Variants in ARHGAP18 observed in about 807,000 individuals in gnomAD.
The protein encoded by ARHGAP18 is rho GTPase-activating protein 18.
ARHGAP18 carries 67 observed loss-of-function variants against 86.2 expected under a neutral mutation model. That is an observed-to-expected ratio of 0.78 (90% CI 0.64 to 0.95). ARHGAP18 has a LOEUF of 0.95. Ranked by LOEUF, ARHGAP18 falls within the 40% of genes least tolerant of loss-of-function variation. The probability of loss-of-function intolerance (pLI) is 0.00; values close to 1 mark genes in which losing one functional copy is unlikely to be tolerated. For missense variants in ARHGAP18, 691 were observed against 780.4 expected (o/e 0.89, Z 1.37); for synonymous variants, 283 against 280.4 (o/e 1.01, Z -0.09).
intron 1 of ARHGAP18, among the ~76,000 whole-genome samples, chr6:129,657,214 G>A (rs1445191954): frequency 1.3e-5 from 2 of 152,106 alleles, no homozygotes; most frequent in African/African-American, 2.4e-5. Context: ...GCTTCCTGAG[G>A]AAATTAGCAC....
intron 14 of ARHGAP18, 92 bp downstream of exon 14, chr6:129,579,978 T>TA (rs532428554): frequency 6.6e-5 from 73 of 1,102,062 alleles, no homozygotes; most frequent in Non-Finnish European, 9.3e-5. Context: ...ATTTTACTTC[T>TA]AATTTCCTGT....
intron 11 of ARHGAP18, among the ~76,000 whole-genome samples, chr6:129,599,583 T>C (rs1788695015): frequency 6.6e-6 from 1 of 152,160 alleles, no homozygotes; most frequent in Admixed American, 6.6e-5. Flanking sequence ...TGCCACCCAC[T>C]GTGGAAGGTT....
At chr6:129,641,680 A>G (rs1773466623) in intron 2 of ARHGAP18, 136 bp downstream of exon 2, 1 of 793,092 alleles carries the variant, frequency 1.3e-6, no homozygotes, top group South Asian at 1.9e-5. Context: ...TCAAACAAGT[A>G]TTTTTCAAGT....
chr6:129,663,703 T>G (rs944191373), intron 1 of ARHGAP18, among the ~76,000 whole-genome samples: 1 of 152,226 alleles, frequency 6.6e-6, no homozygotes. Flanking sequence ...AAATACTCTT[T>G]TATTGTTAAT....
In ARHGAP18 at chr6:129,709,898, G is replaced by C. The variant is rs190115677; in HGVS notation, c.113+126C>G. The stretch of plus-strand genomic sequence containing the variant: ...AAAAATCACGCCAAACGTTGCTACT[G>C]CTGCTGCACGAGCTCAGGCTCGACG... On this transcript the variant is annotated intron_variant, in intron 1 of 14. Coordinates refer to ENST00000368149, the MANE Select transcript of ARHGAP18 (RefSeq NM_033515.3). 85 of 712,670 alleles carry C rather than the reference G, an allele frequency of 1.2e-4. 1 individual carries two copies. The East Asian group carries it at 2.1e-3, about 17-fold the overall frequency. 44.1% of individuals were successfully genotyped at this position (712,670 alleles called of 1,614,324 possible).
At chr6:129,681,439 T>G (rs1289412921) in intron 1 of ARHGAP18, among the ~76,000 whole-genome samples, 1 of 152,200 alleles carries the variant, frequency 6.6e-6, no homozygotes, top group African/African-American at 2.4e-5. Context: ...CATCCTGAGG[T>G]AGAAAACCTA....
intron 1 of ARHGAP18, among the ~76,000 whole-genome samples, chr6:129,669,066 C>T (rs946978589): frequency 1.3e-5 from 2 of 152,162 alleles, no homozygotes; most frequent in Non-Finnish European, 2.9e-5. Context: ...AAAACAATTA[C>T]GCGGTGTCTG....
intron 1 of ARHGAP18, among the ~76,000 whole-genome samples, chr6:129,649,211 T>TG (rs892598468): frequency 1.3e-5 from 2 of 152,284 alleles, no homozygotes; most frequent in African/African-American, 4.8e-5. Flanking sequence ...CTTTTCATTT[T>TG]GGGAAAAAAA....
intron 11 of ARHGAP18, among the ~76,000 whole-genome samples, chr6:129,600,097 T>G (rs1025019366): frequency 3.9e-5 from 6 of 152,176 alleles, no homozygotes; most frequent in Non-Finnish European, 7.3e-5. Flanking sequence ...ATTGAAATAT[T>G]CAATATTATA....
intron 1 of ARHGAP18, among the ~76,000 whole-genome samples, chr6:129,691,799 C>T (rs960126094): frequency 9.2e-5 from 14 of 152,156 alleles, no homozygotes; most frequent in Admixed American, 7.9e-4. Context: ...TCCCAAAAGG[C>T]TTCTGAGGGG....
At position 129,606,278 on chromosome 6, in the gene ARHGAP18, G is replaced by C. The variant is rs191403159; in HGVS notation, c.1283-319C>G. Among the ~76,000 whole-genome samples, 6 of 152,290 alleles carry C rather than the reference G, an allele frequency of 3.9e-5. No homozygotes were observed. In the East Asian group the frequency reaches 7.7e-4, roughly 20 times the overall value. On this transcript the variant is annotated intron_variant, in intron 9 of 14. Coordinates refer to ENST00000368149, the MANE Select transcript of ARHGAP18 (RefSeq NM_033515.3). ...CGTGATAATTATTCCCCAATGAAAAGACATAGAGGATTGGACCTTCCATGA... is the reference window on the plus strand; with the variant it reads ...CGTGATAATTATTCCCCAATGAAAACACATAGAGGATTGGACCTTCCATGA...
rs761817778 is a variant in ARHGAP18 at position 129,641,958 on chromosome 6, C to A, written c.174G>T (p.Lys58Asn). The change falls in exon 2 of 15, where the codon AAG (lysine) becomes AAT (asparagine). Residue 58 changes from lysine (K) to asparagine (N), a missense_variant. By Grantham distance (94) the Lys-to-Asn change is moderately conservative (BLOSUM62 0). Coordinates refer to ENST00000368149, the MANE Select transcript of ARHGAP18 (RefSeq NM_033515.3). Reference sequence around the variant, plus strand: ...GGGAAATTGATCGATCAAATGGAGGCTTCTCCATAACTTTGATGGTGGTGC... The same window carrying A: ...GGGAAATTGATCGATCAAATGGAGGATTCTCCATAACTTTGATGGTGGTGC... ...QESTTIKVME[K>N]PPFDRSISQD... The A allele has an allele frequency of 4.3e-6, 7 of 1,613,938 alleles. No homozygotes were observed. The highest frequency in any genetic ancestry group is 5.1e-6 in the Non-Finnish European group (6 of 1,179,906).
At chr6:129,627,517 C>A (rs1208069841) in intron 5 of ARHGAP18, among the ~76,000 whole-genome samples, 1 of 151,834 alleles carries the variant, frequency 6.6e-6, no homozygotes, top group East Asian at 1.9e-4. Flanking sequence ...TAATAAGAAA[C>A]AAAAGAACAT....
At chr6:129,690,413 T>C (rs1029306822) in intron 1 of ARHGAP18, among the ~76,000 whole-genome samples, 3 of 152,196 alleles carry the variant, frequency 2.0e-5, no homozygotes, top group African/African-American at 7.2e-5. Flanking sequence ...AATTATTACA[T>C]ACAACATATA....
intron 10 of ARHGAP18, among the ~76,000 whole-genome samples, chr6:129,603,904 A>C (rs1468821593): frequency 6.6e-6 from 1 of 152,142 alleles, no homozygotes; most frequent in East Asian, 1.9e-4. Context: ...ATTCCAAACA[A>C]CCATGCACAT....
intron 1 of ARHGAP18, among the ~76,000 whole-genome samples, chr6:129,696,526 A>G (rs976580432): frequency 6.6e-5 from 10 of 152,370 alleles, no homozygotes; most frequent in Admixed American, 3.3e-4. Flanking sequence ...CCTGCAAACA[A>G]TAAATACCCA....
Position 129,578,429 on chromosome 6 carries a change from C to T in ARHGAP18, c.*84G>A. On this transcript the variant is annotated 3_prime_UTR_variant, in exon 15 of 15. Coordinates refer to ENST00000368149, the MANE Select transcript of ARHGAP18 (RefSeq NM_033515.3). ...TTGGGTACAACTGAATAATATGAGT[C>T]CTGCCATTTCTTTTATTTACACTCT... 2 of 1,070,280 alleles carry T rather than the reference C, an allele frequency of 1.9e-6. No individual in the cohort carries two copies. The highest frequency in any genetic ancestry group is 1.6e-5 in the South Asian group (1 of 64,436). 66.3% of individuals were successfully genotyped at this position (1,070,280 alleles called of 1,614,324 possible).
chr6:129,622,801 G>A lies in ARHGAP18; in HGVS notation c.787-3949C>T, dbSNP rs1789256967. Among the ~76,000 whole-genome samples, 3 of 151,976 alleles carry A rather than the reference G, an allele frequency of 2.0e-5. No homozygotes were observed. In the South Asian group the frequency reaches 6.2e-4, roughly 32 times the overall value. ...AGATCACCTAAGGTCAGGAGTTCGA[G>A]ACCAGCCTGACCAACATGGTGAAAC... On this transcript the variant is annotated intron_variant, in intron 5 of 14. Transcript: ENST00000368149.
At chr6:129,587,934 A>G (rs1788431118) in intron 12 of ARHGAP18, among the ~76,000 whole-genome samples, 1 of 152,186 alleles carries the variant, frequency 6.6e-6, no homozygotes, top group African/African-American at 2.4e-5. Flanking sequence ...CCAAGGCCTC[A>G]TCTGAGACAA....
Sources: gnomAD v4.1 joint callset for allele counts (sites outside exome capture counted in the v4.1 genomes callset) on GRCh38, gnomAD v4.1.1 for gene constraint, MANE v1.5 for transcripts, NCBI Gene and HGNC (gene_info 2026-07-23, HGNC 2026-07-21) for gene names.